WIPF3: variants seen among roughly 807,000 people sequenced by gnomAD.
WIPF3 encodes the protein WAS/WASL-interacting protein family member 3.
A neutral mutation model predicts 38.9 loss-of-function variants in WIPF3; 33 were observed. The ratio of observed to expected loss-of-function variants is 0.85; its 90% CI spans 0.64 to 1.14. The LOEUF (loss-of-function observed/expected upper bound fraction) is 1.14. Among genes scored for constraint, WIPF3 ranks in the 50% most tolerant of loss-of-function variants. The probability of loss-of-function intolerance (pLI) is 0.00; values close to 1 mark genes in which losing one functional copy is unlikely to be tolerated. For synonymous variants in WIPF3, 324 were observed against 269.3 expected (o/e 1.20, Z -1.99); for missense variants, 711 against 652.5 (o/e 1.09, Z -0.98).
At chr7:29,881,190 A>G (rs1053235782) in intron 4 of WIPF3, among the ~76,000 whole-genome samples, 7 of 152,116 alleles carry the variant, frequency 4.6e-5, no homozygotes, top group Non-Finnish European at 7.4e-5. Context: ...CTTTCATTCC[A>G]TATCTCCTTT....
At chr7:29,913,276 C>T (rs932082267) in intron 8 of WIPF3, among the ~76,000 whole-genome samples, 15 of 145,636 alleles carry the variant, frequency 1.0e-4, no homozygotes, top group Admixed American at 3.6e-4. Flanking sequence ...AACCCGTGGA[C>T]GGAGGTTGCG....
At chr7:29,820,358 G>A (rs1249727131) in intron 1 of WIPF3, among the ~76,000 whole-genome samples, 1 of 151,986 alleles carries the variant, frequency 6.6e-6, no homozygotes, top group East Asian at 1.9e-4. Context: ...CAGTTTGAGG[G>A]CTTTTTCTTT....
chr7:29,887,928 C>T (rs1194513787), intron 5 of WIPF3, 140 bp from the exon 6 acceptor site: 5 of 978,884 alleles, frequency 5.1e-6, no homozygotes, highest in Non-Finnish European at 5.9e-6. Flanking sequence ...CAGTGCCAAG[C>T]AGGTTGACTC....
At chr7:29,863,749 A>AT (rs1785339803) in intron 2 of WIPF3, among the ~76,000 whole-genome samples, 1 of 152,122 alleles carries the variant, frequency 6.6e-6, no homozygotes, top group Non-Finnish European at 1.5e-5. Context: ...TTTCATTAGC[A>AT]TTTTTTGATT....
chr7:29,834,391 A>T (rs1218791732), intron 1 of WIPF3, among the ~76,000 whole-genome samples: 2 of 152,144 alleles, frequency 1.3e-5, no homozygotes, highest in Admixed American at 1.3e-4. Flanking sequence ...ATACATATAT[A>T]TGTATATTCT....
At chr7:29,893,031 A>G (rs951435096) in intron 7 of WIPF3, among the ~76,000 whole-genome samples, 1 of 152,024 alleles carries the variant, frequency 6.6e-6, no homozygotes, top group Admixed American at 6.6e-5. Context: ...TGCCATTGCA[A>G]TCCAGCCTGG....
intron 2 of WIPF3, among the ~76,000 whole-genome samples, chr7:29,860,053 G>A (rs1250523030): frequency 2.0e-5 from 3 of 152,170 alleles, no homozygotes; most frequent in African/African-American, 2.4e-5. Context: ...AACATGGACC[G>A]TGGTCAGATT....
intron 7 of WIPF3, among the ~76,000 whole-genome samples, chr7:29,892,132 G>A (rs78656715): frequency 1.3e-5 from 2 of 152,190 alleles, no homozygotes; most frequent in African/African-American, 4.8e-5. Flanking sequence ...CACAGCTTAG[G>A]TTCCCCAACA....
At chr7:29,889,768 C>T (rs952552606) in intron 7 of WIPF3, among the ~76,000 whole-genome samples, 2 of 152,100 alleles carry the variant, frequency 1.3e-5, no homozygotes, top group African/African-American at 4.8e-5. Context: ...ACCTGAAAAC[C>T]CCTAATTCAG....
Position 29,825,719 on chromosome 7 carries a change from T to C in WIPF3, c.-57-8949T>C, listed in dbSNP as rs139202823. ...TTCAATGAATGATCTGGGAACAAAT[T>C]TGCATTTCAATAAGAGTCCTATAAA... On this transcript the variant is annotated intron_variant, in intron 1 of 8. Coordinates refer to ENST00000242140, the MANE Select transcript of WIPF3 (RefSeq NM_001080529.3). 2.7e-3 allele frequency among the ~76,000 whole-genome samples: 417 copies of C among 152,314 alleles called. 1 individual carries two copies. The highest frequency in any genetic ancestry group is 4.6e-3 in the Non-Finnish European group (312 of 68,036).
At chr7:29,810,148 G>A (rs529720191) in intron 1 of WIPF3, among the ~76,000 whole-genome samples, 1 of 152,204 alleles carries the variant, frequency 6.6e-6, no homozygotes, top group Non-Finnish European at 1.5e-5. Context: ...AGCTTTATAT[G>A]TAGGACATCA....
chr7:29,884,564 T>C lies in WIPF3; in HGVS notation c.1070T>C (p.Phe357Ser). The C allele has an allele frequency of 6.2e-7, 1 of 1,604,244 alleles. No homozygotes were observed. The highest frequency in any genetic ancestry group is 8.5e-7 in the Non-Finnish European group (1 of 1,176,732). The change falls in exon 5 of 9, where the codon TTC becomes TCC. Residue 357 changes from phenylalanine to serine, a missense_variant. Physicochemically the swap from Phe to Ser is radical, Grantham distance 155 (BLOSUM62 -2). Coordinates refer to ENST00000242140, the MANE Select transcript of WIPF3 (RefSeq NM_001080529.3). Reference sequence around the variant, plus strand: ...CCTGCCCCTCCGGGCTCCCAGCCGTTCCTGCAGAAGAAGAGGCATGGCCGA... The same window carrying C: ...CCTGCCCCTCCGGGCTCCCAGCCGTCCCTGCAGAAGAAGAGGCATGGCCGA... Reference protein sequence around the residue: ...APPAPPGSQPFLQKKRHGRPG... With the variant: ...APPAPPGSQPSLQKKRHGRPG...
intron 2 of WIPF3, among the ~76,000 whole-genome samples, chr7:29,858,377 G>A (rs1785222165): frequency 6.6e-6 from 1 of 152,176 alleles, no homozygotes; most frequent in Non-Finnish European, 1.5e-5. Context: ...CAGCACAAAA[G>A]AAGGACAGTG....
chr7:29,836,462 A>G (rs973720726), intron 2 of WIPF3, among the ~76,000 whole-genome samples: 2 of 152,224 alleles, frequency 1.3e-5, no homozygotes, highest in African/African-American at 4.8e-5. Flanking sequence ...TCTGTAAGAA[A>G]ACAGTAAATG....
chr7:29,895,843 C>T (rs1583625287), intron 7 of WIPF3, among the ~76,000 whole-genome samples: 1 of 152,318 alleles, frequency 6.6e-6, no homozygotes, highest in East Asian at 1.9e-4. Flanking sequence ...ACTCAGACAC[C>T]TCACACCAGG....
chr7:29,890,752 A>AG (rs1785991359), intron 7 of WIPF3, among the ~76,000 whole-genome samples: 1 of 133,340 alleles, frequency 7.5e-6, no homozygotes, highest in Non-Finnish European at 1.6e-5. Flanking sequence ...GCTCAGGTGG[A>AG]GGGGGCTCAG....
At chr7:29,894,044 T>A (rs1028297586) in intron 7 of WIPF3, among the ~76,000 whole-genome samples, 1 of 152,224 alleles carries the variant, frequency 6.6e-6, no homozygotes, top group Non-Finnish European at 1.5e-5. Context: ...AATAAAACTT[T>A]ATTTACAAAA....
At chr7:29,864,895 G>C (rs368872638) in intron 2 of WIPF3, among the ~76,000 whole-genome samples, 9 of 152,134 alleles carry the variant, frequency 5.9e-5, no homozygotes, top group African/African-American at 1.9e-4. Flanking sequence ...GTCTTCCAGG[G>C]ATTTCTTTTT....
intron 2 of WIPF3, among the ~76,000 whole-genome samples, chr7:29,851,077 A>C (rs1300414373): frequency 6.6e-6 from 1 of 152,118 alleles, no homozygotes; most frequent in African/African-American, 2.4e-5. Context: ...GCTCAGCCTC[A>C]CTGAGTTTCG....
Sources: allele counts gnomAD v4.1 joint callset (sites outside exome capture counted in the v4.1 genomes callset), GRCh38; gene constraint gnomAD v4.1.1; transcripts MANE v1.5; gene names NCBI Gene and HGNC (gene_info 2026-07-23, HGNC 2026-07-21).